Variants in RAB30 observed in about 807,000 individuals in gnomAD.
The protein encoded by RAB30 is RAB30, member RAS oncogene family.
RAB30 carries 9 observed loss-of-function variants against 25.1 expected under a neutral mutation model. The ratio of observed to expected loss-of-function variants is 0.36; its 90% confidence interval spans 0.22 to 0.63. The LOEUF is 0.63. Ranked by LOEUF, RAB30 falls within the 20% of genes least tolerant of loss-of-function variation. The pLI, the probability that RAB30 is intolerant of heterozygous loss-of-function variation, is 0.69. For missense variants in RAB30, 140 were observed against 243.5 expected (o/e 0.58, Z 2.83); for synonymous variants, 77 against 86.4 (o/e 0.89, Z 0.60).
chr11:83,027,406 C>T (rs1008868176), intron 1 of RAB30, among the ~76,000 whole-genome samples: 4 of 152,066 alleles, frequency 2.6e-5, no homozygotes, highest in Non-Finnish European at 5.9e-5. Context: ...CTCCCGAGTA[C>T]CAAAACATAG....
chr11:83,043,822 C>A (rs1858180721), intron 1 of RAB30, among the ~76,000 whole-genome samples: 1 of 152,122 alleles, frequency 6.6e-6, no homozygotes, highest in South Asian at 2.1e-4. Flanking sequence ...CATAACACAG[C>A]AAGTTACCGT....
In RAB30 at chr11:83,006,701, A is replaced by T. The variant is rs1857192370; in HGVS notation, c.-8-9377T>A. 1.3e-5 allele frequency among the ~76,000 whole-genome samples: 2 copies of T among 151,966 alleles called. 1 individual carries two copies. Among genetic ancestry groups the T allele is most frequent in the South Asian group, 4.2e-4 (2 of 4,816 alleles). On this transcript the variant is annotated intron_variant, in intron 1 of 4. Coordinates refer to ENST00000527633, the MANE Select transcript of RAB30 (RefSeq NM_001286060.2). ...GTTTAAAAAAAAATCTATTTGGGGT[A>T]CTCTGTTTCAATCTTTGTGTCTTTC...
rs1856490228 is a variant in RAB30 at position 82,973,491 on chromosome 11, A to T, written c.*8674T>A. 6.6e-6 allele frequency: 1 copy of T among 152,228 alleles called. No individual in the cohort carries two copies. The highest frequency in any genetic ancestry group is 2.4e-5 in the African/African-American group (1 of 41,452). The allele number at this position is 152,228 out of a possible 1,614,324, so 9.4% of individuals were successfully genotyped here. A position where few individuals can be genotyped will look rare whatever the true frequency, so the allele number is the denominator to read the frequency against. On this transcript the variant is annotated 3_prime_UTR_variant, in exon 5 of 5. Coordinates refer to ENST00000527633, the MANE Select transcript of RAB30 (RefSeq NM_001286060.2). ...CAGCATGATTTGTAGTTGTCCTTTA[A>T]ACAATGCAGAGGACAAGAAATCCTC... is the stretch of plus-strand genomic sequence containing the variant.
At chr11:83,014,678 G>GAAAGAAAGAAAGAAAGAAAGAA (rs1565277180) in intron 1 of RAB30, among the ~76,000 whole-genome samples, 2 of 141,914 alleles carry the variant, frequency 1.4e-5, no homozygotes, top group Non-Finnish European at 3.0e-5. Context: ...AAGAAAGAAA[G>GAAAGAAAGAAAGAAAGAAAGAA]AAAGAAAGAA....
chr11:83,048,259 C>A (rs1858276303), intron 1 of RAB30, among the ~76,000 whole-genome samples: 1 of 152,026 alleles, frequency 6.6e-6, no homozygotes, highest in African/African-American at 2.4e-5. Context: ...GTAGGAGGAT[C>A]GCTGAAGACC....
chr11:83,006,388 A>T (rs1196882590), intron 1 of RAB30, among the ~76,000 whole-genome samples: 1 of 152,238 alleles, frequency 6.6e-6, no homozygotes, highest in Non-Finnish European at 1.5e-5. Context: ...CCTGCTATGG[A>T]TATCTGCAAG....
At position 83,028,308 on chromosome 11, in the gene RAB30, T is replaced by G. The variant is rs368726638; in HGVS notation, c.-8-30984A>C. Among the ~76,000 whole-genome samples the G allele has an allele frequency of 1.1e-4, 16 of 151,976 alleles. No individual in the cohort carries two copies. The East Asian group carries it at 2.9e-3, about 28-fold the overall frequency. ...AGAATAAAATCAAAAGACAAAGATATGGAAACAGCAGAGAGAAGTTAAGAA... is the reference window on the plus strand; with the variant it reads ...AGAATAAAATCAAAAGACAAAGATAGGGAAACAGCAGAGAGAAGTTAAGAA... On this transcript the variant is annotated intron_variant, in intron 1 of 4. Coordinates refer to ENST00000527633, the MANE Select transcript of RAB30 (RefSeq NM_001286060.2).
At chr11:83,071,304 C>T (rs992359500) in intron 1 of RAB30, 2 of 152,246 alleles carry the variant, frequency 1.3e-5, no homozygotes, top group African/African-American at 4.8e-5. Context: ...TCCATTTCTC[C>T]CCACGCATCA....
chr11:83,005,956 T>A (rs1857175374), intron 1 of RAB30, among the ~76,000 whole-genome samples: 1 of 150,838 alleles, frequency 6.6e-6, no homozygotes, highest in Non-Finnish European at 1.5e-5. Flanking sequence ...ATTTTTTTTT[T>A]TAAAAAACTG....
At chr11:82,983,645 G>A (rs533442765) in intron 4 of RAB30, among the ~76,000 whole-genome samples, 4 of 151,904 alleles carry the variant, frequency 2.6e-5, no homozygotes, top group East Asian at 1.9e-4. Flanking sequence ...CCACGTCCAG[G>A]CTGGTCTTGA....
chr11:83,036,257 C>T (rs1271735854), intron 1 of RAB30, among the ~76,000 whole-genome samples: 1 of 151,734 alleles, frequency 6.6e-6, no homozygotes, highest in African/African-American at 2.4e-5. Flanking sequence ...ACCTCCACCT[C>T]CCAGGTTCAC....
chr11:83,043,353 T>A (rs1309487096), intron 1 of RAB30, among the ~76,000 whole-genome samples: 1 of 152,160 alleles, frequency 6.6e-6, no homozygotes, highest in Non-Finnish European at 1.5e-5. Context: ...AGGAGCCCAG[T>A]TGATCAGCTG....
intron 1 of RAB30, among the ~76,000 whole-genome samples, chr11:82,997,657 G>A (rs1269610757): frequency 1.3e-5 from 2 of 152,194 alleles, no homozygotes; most frequent in Non-Finnish European, 2.9e-5. Flanking sequence ...ACAAACCTCT[G>A]TGCAGGCAAG....
rs943135048 is a variant in RAB30, at chr11:83,061,352, CA to C, written c.-9+10338del. Reference sequence around the variant, plus strand: ...CTACATTAAAGGAAACTAAAGAACACAACTGTATTGGGTAAGTAGTCTTGAT... The same window carrying C: ...CTACATTAAAGGAAACTAAAGAACACACTGTATTGGGTAAGTAGTCTTGAT... On this transcript the variant is annotated intron_variant, in intron 1 of 4. Transcript: ENST00000527633. Among the ~76,000 whole-genome samples, 10 of 152,208 alleles carry C rather than the reference CA, an allele frequency of 6.6e-5. 1 individual carries two copies. The highest frequency in any genetic ancestry group is 5.9e-4 in the Admixed American group (9 of 15,286).
At chr11:83,004,825 T>C (rs548241590) in intron 1 of RAB30, among the ~76,000 whole-genome samples, 1 of 152,152 alleles carries the variant, frequency 6.6e-6, no homozygotes, top group African/African-American at 2.4e-5. Context: ...CCCACTGCTG[T>C]GTTCAGTAAG....
At chr11:83,042,494 C>A (rs1858149256) in intron 1 of RAB30, among the ~76,000 whole-genome samples, 1 of 151,836 alleles carries the variant, frequency 6.6e-6, no homozygotes, top group African/African-American at 2.4e-5. Context: ...GCAGAGGTTG[C>A]AGTGAGCCAA....
intron 1 of RAB30, among the ~76,000 whole-genome samples, chr11:83,041,958 C>T (rs1303845484): frequency 1.3e-5 from 2 of 150,040 alleles, no homozygotes; most frequent in African/African-American, 4.9e-5. Context: ...AGGAGAATCG[C>T]TTGAACCCGG....
intron 4 of RAB30, among the ~76,000 whole-genome samples, chr11:82,983,383 A>G (rs1046677378): frequency 5.9e-5 from 9 of 152,342 alleles, no homozygotes; most frequent in Non-Finnish European, 2.9e-5. Context: ...GCAAAATTAA[A>G]CAAATGAACA....
intron 1 of RAB30, among the ~76,000 whole-genome samples, chr11:83,067,245 T>G (rs772866448): frequency 2.2e-4 from 33 of 152,194 alleles, no homozygotes; most frequent in Non-Finnish European, 4.3e-4. Context: ...GCATGGTGCA[T>G]GGAAAACTGT....
Sources: allele counts gnomAD v4.1 joint callset (sites outside exome capture counted in the v4.1 genomes callset), GRCh38; gene constraint gnomAD v4.1.1; transcripts MANE v1.5; gene names NCBI Gene and HGNC (gene_info 2026-07-23, HGNC 2026-07-21).